Variants in MDGA2 observed in about 807,000 individuals in gnomAD.
MDGA2 encodes the protein MAM domain-containing glycosylphosphatidylinositol anchor protein 2.
MDGA2 carries 40 observed loss-of-function variants against 117.8 expected under a neutral mutation model. The ratio of observed to expected loss-of-function variants is 0.34; its 90% CI spans 0.26 to 0.44. The LOEUF is 0.44. MDGA2 is among the 20% of genes least tolerant of loss of function. MDGA2 has a pLI of 1.00. For missense variants in MDGA2, 1,123 were observed against 1,250.6 expected, an observed-to-expected ratio of 0.90 and a Z score of 1.54; for synonymous variants, 452 against 439.0, an observed-to-expected ratio of 1.03 and a Z score of -0.37.
At chr14:47,668,582 C>A (rs577689934) in intron 1 of MDGA2, among the ~76,000 whole-genome samples, 5 of 152,112 alleles carry the variant, frequency 3.3e-5, no homozygotes, top group African/African-American at 4.8e-5. Context: ...TCTATGAATG[C>A]AATATTTTAT....
At chr14:46,921,861 A>G (rs1884145385) in intron 9 of MDGA2, among the ~76,000 whole-genome samples, 1 of 152,198 alleles carries the variant, frequency 6.6e-6, no homozygotes. Flanking sequence ...GATGAGTAAC[A>G]TAAACCTAGA....
rs1257791968 is a variant in MDGA2 at position 47,674,656 on chromosome 14, C to G, written c.141G>C (p.Leu47=). The change falls in exon 1 of 17, where the codon CTG becomes CTC. Residue 47 remains leucine, a synonymous_variant. Transcript: ENST00000399232. ...LARARVERAW[L]AAGLLKVPLR... is the part of the protein sequence containing the mutation. ...ACGGGACCTTCAGGAGGCCGGCGGC[C>G]AGCCAGGCGCGCTCCACTCGCGCCC... The G allele has an allele frequency of 6.9e-7, 1 of 1,453,380 alleles. No homozygotes were observed. The highest frequency in any genetic ancestry group is 1.2e-5 in the South Asian group (1 of 81,896). 90.0% of individuals were successfully genotyped at this position (1,453,380 alleles called of 1,614,324 possible). A position where few individuals can be genotyped will look rare whatever the true frequency, so the allele number is the denominator to read the frequency against.
intron 10 of MDGA2, among the ~76,000 whole-genome samples, chr14:46,895,755 G>A (rs1341565343): frequency 1.3e-5 from 2 of 151,632 alleles, no homozygotes; most frequent in African/African-American, 4.8e-5. Context: ...GAATAACTAG[G>A]TATATTTCTA....
intron 15 of MDGA2, among the ~76,000 whole-genome samples, chr14:46,849,625 C>G (rs1348248082): frequency 6.6e-6 from 1 of 151,630 alleles, no homozygotes; most frequent in Non-Finnish European, 1.5e-5. Flanking sequence ...CTGACGTTTT[C>G]TAGAATATAC....
At chr14:47,352,058 T>C (rs186753175) in intron 1 of MDGA2, among the ~76,000 whole-genome samples, 1 of 152,264 alleles carries the variant, frequency 6.6e-6, no homozygotes, top group East Asian at 1.9e-4. Context: ...TTATATAAAG[T>C]AGGCAAAAGG....
intron 1 of MDGA2, among the ~76,000 whole-genome samples, chr14:47,481,957 AC>A (rs1209924944): frequency 6.6e-6 from 1 of 151,968 alleles, no homozygotes; most frequent in Non-Finnish European, 1.5e-5. Flanking sequence ...GGATATTGTT[AC>A]CCCCAATTCA....
At chr14:47,308,462 G>C (rs894801897) in intron 1 of MDGA2, among the ~76,000 whole-genome samples, 1 of 149,018 alleles carries the variant, frequency 6.7e-6, no homozygotes, top group Non-Finnish European at 1.5e-5. Context: ...TCTCTAAAAG[G>C]CCACTTTCTT....
intron 15 of MDGA2, among the ~76,000 whole-genome samples, chr14:46,846,376 G>C (rs1246013889): frequency 2.0e-5 from 3 of 152,012 alleles, no homozygotes; most frequent in Non-Finnish European, 4.4e-5. Context: ...CAAATAGATT[G>C]AATAGGTTCG....
chr14:47,425,696 T>C (rs1046325027), intron 1 of MDGA2, among the ~76,000 whole-genome samples: 1 of 152,162 alleles, frequency 6.6e-6, no homozygotes, highest in Non-Finnish European at 1.5e-5. Context: ...AATTTTGATA[T>C]ACTATTCCTG....
chr14:47,142,180 A>G (rs911788301), intron 4 of MDGA2, among the ~76,000 whole-genome samples: 1 of 152,158 alleles, frequency 6.6e-6, no homozygotes, highest in African/African-American at 2.4e-5. Context: ...ACGGTGGCTC[A>G]CACCTGTAAT....
At chr14:47,413,357 T>G (rs1372881174) in intron 1 of MDGA2, among the ~76,000 whole-genome samples, 4 of 152,194 alleles carry the variant, frequency 2.6e-5, no homozygotes, top group Non-Finnish European at 5.9e-5. Context: ...CTATGTCTCA[T>G]GCATTGCATT....
At chr14:47,292,808 T>C (rs1255352991) in intron 2 of MDGA2, among the ~76,000 whole-genome samples, 1 of 152,178 alleles carries the variant, frequency 6.6e-6, no homozygotes, top group African/African-American at 2.4e-5. Context: ...ATTTTTGTCT[T>C]TTTAGATAAG....
At chr14:47,227,171 C>G (rs72680241) in intron 2 of MDGA2, among the ~76,000 whole-genome samples, 12,072 of 152,024 alleles carry the variant, frequency 0.079, 491 homozygotes, top group African/African-American at 0.083. Flanking sequence ...CTATATGTTA[C>G]CTCACTAGGA....
At chr14:47,165,469 C>A (rs1043671633) in intron 3 of MDGA2, among the ~76,000 whole-genome samples, 2 of 152,106 alleles carry the variant, frequency 1.3e-5, no homozygotes, top group African/African-American at 4.8e-5. Flanking sequence ...TTTGACCCTT[C>A]CATTTTCACT....
chr14:47,415,632 A>C (rs576937968), intron 1 of MDGA2, among the ~76,000 whole-genome samples: 25 of 152,186 alleles, frequency 1.6e-4, no homozygotes, highest in Admixed American at 2.6e-4. Flanking sequence ...GCTAACCCCA[A>C]GAGAATTTTT....
At chr14:46,973,077 G>A (rs1193291026) in intron 8 of MDGA2, among the ~76,000 whole-genome samples, 2 of 152,016 alleles carry the variant, frequency 1.3e-5, no homozygotes, top group East Asian at 1.9e-4. Context: ...CCATGATACG[G>A]CTACTAGAAT....
chr14:47,055,016 T>TTA, intron 7 of MDGA2, among the ~76,000 whole-genome samples: 1 of 149,602 alleles, frequency 6.7e-6, no homozygotes, highest in East Asian at 2.0e-4. Flanking sequence ...TTTTTTTTTT[T>TTA]TTTCCAACAG....
chr14:47,242,685 C>T (rs1029252805), intron 2 of MDGA2, among the ~76,000 whole-genome samples: 2 of 151,834 alleles, frequency 1.3e-5, no homozygotes, highest in East Asian at 3.9e-4. Context: ...TCCCGCAGGG[C>T]AGTGCTCGGG....
intron 8 of MDGA2, among the ~76,000 whole-genome samples, chr14:46,968,990 G>A (rs10148184): frequency 6.6e-6 from 1 of 152,212 alleles, no homozygotes; most frequent in East Asian, 1.9e-4. Context: ...GCAATAGCTA[G>A]AAAAAATATA....
Sources: gnomAD v4.1 joint callset for allele counts (sites outside exome capture counted in the v4.1 genomes callset) on GRCh38, gnomAD v4.1.1 for gene constraint, MANE v1.5 for transcripts, NCBI Gene and HGNC (gene_info 2026-07-23, HGNC 2026-07-21) for gene names.